LRRC69: variants seen among roughly 807,000 people sequenced by gnomAD.
LRRC69 encodes leucine-rich repeat-containing protein 69.
LRRC69 carries 42 observed loss-of-function variants against 37.8 expected under a neutral mutation model. The observed-to-expected ratio is 1.11, with a 90% CI of 0.87 to 1.44. The LOEUF (loss-of-function observed/expected upper bound fraction) is 1.44, where lower values mean the gene tolerates loss of function less well. Ranked by LOEUF, LRRC69 falls within the 40% of genes most tolerant of loss-of-function variation. The probability of loss-of-function intolerance (pLI) is 0.00; values close to 1 mark genes in which losing one functional copy is unlikely to be tolerated. For missense variants in LRRC69, 357 were observed against 401.9 expected (o/e 0.89, Z 0.96); for synonymous variants, 141 against 143.1 (o/e 0.99, Z 0.11).
chr8:91,175,975 T>TA (rs1251059383), intron 5 of LRRC69, among the ~76,000 whole-genome samples: 1 of 151,576 alleles, frequency 6.6e-6, no homozygotes, highest in Non-Finnish European at 1.5e-5. Context: ...CTTTCATGTA[T>TA]GATTACTTAA....
intron 5 of LRRC69, among the ~76,000 whole-genome samples, chr8:91,166,982 TCA>T (rs33978196): frequency 0.092 from 13,912 of 151,798 alleles, 1,144 homozygotes; most frequent in African/African-American, 0.22. Context: ...TGCTGGATAG[TCA>T]CAGTTTTTAG....
intron 6 of LRRC69, among the ~76,000 whole-genome samples, chr8:91,198,911 T>C (rs1809667113): frequency 3.9e-5 from 6 of 152,168 alleles, no homozygotes; most frequent in Admixed American, 3.9e-4. Flanking sequence ...GTGTATGCTA[T>C]CCTTCCAAAA....
chr8:91,134,703 C>A (rs1271681989), intron 4 of LRRC69, among the ~76,000 whole-genome samples: 1 of 151,980 alleles, frequency 6.6e-6, no homozygotes, highest in Non-Finnish European at 1.5e-5. Flanking sequence ...TCTTATAGTT[C>A]TATCCCAAAC....
intron 6 of LRRC69, among the ~76,000 whole-genome samples, chr8:91,192,631 G>A (rs1258857174): frequency 2.6e-5 from 4 of 152,114 alleles, no homozygotes; most frequent in Non-Finnish European, 5.9e-5. Flanking sequence ...TTTTTTGGCT[G>A]CATAAATGTC....
At chr8:91,185,343 C>T (rs988975048) in intron 5 of LRRC69, among the ~76,000 whole-genome samples, 1 of 143,190 alleles carries the variant, frequency 7.0e-6, no homozygotes, top group African/African-American at 2.6e-5. Flanking sequence ...GTCTGTCTGT[C>T]TGTCTCTCTC....
At chr8:91,152,066 A>T (rs1397616360) in intron 5 of LRRC69, among the ~76,000 whole-genome samples, 1 of 151,138 alleles carries the variant, frequency 6.6e-6, no homozygotes, top group Non-Finnish European at 1.5e-5. Context: ...GTTTGCAAAA[A>T]TTTTCTCCTA....
intron 1 of LRRC69, among the ~76,000 whole-genome samples, chr8:91,105,403 G>T (rs985395598): frequency 2.0e-5 from 3 of 151,896 alleles, no homozygotes; most frequent in Non-Finnish European, 4.4e-5. Flanking sequence ...AGGGCAGATG[G>T]CCCGGTGCAG....
intron 1 of LRRC69, among the ~76,000 whole-genome samples, chr8:91,122,073 C>T (rs759942728): frequency 1.3e-5 from 2 of 152,026 alleles, no homozygotes; most frequent in African/African-American, 4.8e-5. Context: ...ATATCTAACT[C>T]TTATGTAAGA....
chr8:91,119,254 A>G (rs1052860249), intron 1 of LRRC69, among the ~76,000 whole-genome samples: 18 of 152,056 alleles, frequency 1.2e-4, no homozygotes, highest in Non-Finnish European at 5.9e-5. Context: ...TTTCTGTATA[A>G]TTTAAGTAAT....
At chr8:91,195,738 C>G (rs1809585950) in intron 6 of LRRC69, among the ~76,000 whole-genome samples, 1 of 152,220 alleles carries the variant, frequency 6.6e-6, no homozygotes, top group Non-Finnish European at 1.5e-5. Context: ...CTATGTGTGT[C>G]TCTGCACGTG....
chr8:91,153,043 A>C (rs1177263328), intron 5 of LRRC69, among the ~76,000 whole-genome samples: 1 of 151,370 alleles, frequency 6.6e-6, no homozygotes, highest in African/African-American at 2.4e-5. Flanking sequence ...TTTACCAAGC[A>C]AATGGCAAGC....
chr8:91,165,292 G>A (rs941311743), intron 5 of LRRC69, among the ~76,000 whole-genome samples: 3 of 151,638 alleles, frequency 2.0e-5, no homozygotes, highest in African/African-American at 4.8e-5. Context: ...AAGCAGAGCT[G>A]AAAGTCAAGG....
intron 3 of LRRC69, 85 bp from the exon 4 acceptor site, chr8:91,133,025 A>G (rs1009278524): frequency 1.4e-6 from 1 of 731,082 alleles, no homozygotes; most frequent in Non-Finnish European, 2.1e-6. Flanking sequence ...AAATTGACAC[A>G]TGGCTTCTGC....
At chr8:91,183,711 A>C (rs1337955847) in intron 5 of LRRC69, among the ~76,000 whole-genome samples, 2 of 152,184 alleles carry the variant, frequency 1.3e-5, no homozygotes, top group Admixed American at 1.3e-4. Context: ...TTATCAAGGA[A>C]AATTTAGTTA....
rs181094467 is a variant in LRRC69 at position 91,172,565 on chromosome 8, G to C, written c.652-16957G>C. On this transcript the variant is annotated intron_variant, in intron 5 of 7. Transcript: ENST00000448384. ...AGTTTCACTCTTGTTGCCCAGGCTA[G>C]AGTGCAATGGCAAGATCTCAGCTCA... Among the ~76,000 whole-genome samples the C allele has an allele frequency of 1.7e-4, 26 of 152,010 alleles. 1 individual carries two copies. Among genetic ancestry groups the C allele is most frequent in the Non-Finnish European group, 1.5e-5 (1 of 68,000 alleles).
chr8:91,138,429 G>C (rs1808456798), intron 5 of LRRC69, among the ~76,000 whole-genome samples: 1 of 151,738 alleles, frequency 6.6e-6, no homozygotes, highest in Non-Finnish European at 1.5e-5. Context: ...CCTTTGAATA[G>C]TTTATTTTAC....
At chr8:91,164,456 A>G (rs1286322622) in intron 5 of LRRC69, among the ~76,000 whole-genome samples, 3 of 151,766 alleles carry the variant, frequency 2.0e-5, no homozygotes, top group Admixed American at 1.3e-4. Flanking sequence ...AAAGATGGCC[A>G]AAGTCCATCG....
At chr8:91,168,571 G>C (rs1830375269) in intron 5 of LRRC69, among the ~76,000 whole-genome samples, 1 of 151,918 alleles carries the variant, frequency 6.6e-6, no homozygotes, top group Non-Finnish European at 1.5e-5. Flanking sequence ...GCAGCCATTT[G>C]GGACTGTAAA....
intron 7 of LRRC69, among the ~76,000 whole-genome samples, chr8:91,216,880 T>A (rs1214113150): frequency 6.6e-6 from 1 of 152,184 alleles, no homozygotes; most frequent in Non-Finnish European, 1.5e-5. Context: ...TACTGTATTG[T>A]TTCCCCAATA....
Sources: allele counts gnomAD v4.1 joint callset (sites outside exome capture counted in the v4.1 genomes callset), GRCh38; gene constraint gnomAD v4.1.1; transcripts MANE v1.5; gene names NCBI Gene and HGNC (gene_info 2026-07-23, HGNC 2026-07-21).